DGKB: variants seen among roughly 807,000 people sequenced by gnomAD.
DGKB encodes the protein 90 kDa diacylglycerol kinase.
Under a neutral mutation model 114.3 loss-of-function variants are expected in DGKB, and 67 were observed. That is an observed-to-expected ratio of 0.59 (90% CI 0.48 to 0.72). DGKB has a LOEUF of 0.72. Ranked by LOEUF, DGKB falls within the 30% of genes least tolerant of loss-of-function variation. The pLI, the probability that DGKB is intolerant of heterozygous loss-of-function variation, is 0.00. For synonymous variants in DGKB, 398 were observed against 323.1 expected (o/e 1.23, Z -2.49); for missense variants, 907 against 975.2 (o/e 0.93, Z 0.93).
At chr7:14,360,602 T>G (rs1368102786) in intron 21 of DGKB, among the ~76,000 whole-genome samples, 1 of 151,970 alleles carries the variant, frequency 6.6e-6, no homozygotes, top group East Asian at 1.9e-4. Context: ...TCCTGAATGA[T>G]GGGCAACTTT....
At chr7:14,907,226 TC>T (rs1235832041), upstream of DGKB, among the ~76,000 whole-genome samples, 2 of 152,158 alleles carry the variant, frequency 1.3e-5, no homozygotes, top group Non-Finnish European at 2.9e-5. Flanking sequence ...TCTCTTTGGG[TC>T]CAATTCTCCT....
Position 14,590,996 on chromosome 7 carries a change from G to A in DGKB, c.1434-7859C>T, listed in dbSNP as rs115378246. On this transcript the variant is annotated intron_variant, in intron 17 of 25. Coordinates refer to ENST00000402815, the MANE Select transcript of DGKB (RefSeq NM_001350709.2). ...CATGCAATCTGAAACTGTAGCTAGC[G>A]GACAATTGGGAGACCTGCCTACAGC... Among the ~76,000 whole-genome samples, 1,228 of 152,122 alleles carry A rather than the reference G, an allele frequency of 8.1e-3. 18 individuals are homozygous for A. The highest frequency in any genetic ancestry group is 0.028 in the African/African-American group (1,165 of 41,508).
intron 13 of DGKB, among the ~76,000 whole-genome samples, chr7:14,647,313 A>T (rs1014404642): frequency 5.3e-5 from 8 of 152,134 alleles, no homozygotes; most frequent in Non-Finnish European, 1.0e-4. Flanking sequence ...CTGAATCAGA[A>T]ATAAAAAGTC....
chr7:14,209,714 A>T (rs1787444070), intron 23 of DGKB, among the ~76,000 whole-genome samples: 1 of 152,046 alleles, frequency 6.6e-6, no homozygotes, highest in Non-Finnish European at 1.5e-5. Flanking sequence ...ATAAAGAAAA[A>T]CTTCAGACAT....
At position 14,147,419 on chromosome 7, in the gene DGKB, A is replaced by G. The variant is rs931711609; in HGVS notation, c.*1712T>C. The G allele has an allele frequency of 2.6e-5, 4 of 152,134 alleles. No homozygotes were observed. Among genetic ancestry groups the G allele is most frequent in the Non-Finnish European group, 5.9e-5 (4 of 67,986 alleles). 9.4% of individuals were successfully genotyped at this position (152,134 alleles called of 1,614,324 possible). A position where few individuals can be genotyped will look rare whatever the true frequency, so the allele number is the denominator to read the frequency against. On this transcript the variant is annotated 3_prime_UTR_variant, in exon 26 of 26. Coordinates refer to ENST00000402815, the MANE Select transcript of DGKB (RefSeq NM_001350709.2). ...ACTAAAAGAATACACTTTGTACGTA[A>G]TCTTCCATTATAGCACATTGCTTGA...
chr7:14,302,724 C>T lies in DGKB; in HGVS notation c.2122+35791G>A, dbSNP rs768941356. 5.0e-4 allele frequency among the ~76,000 whole-genome samples: 76 copies of T among 152,102 alleles called. 3 individuals carry two copies. The highest frequency in any genetic ancestry group is 1.0e-4 in the Non-Finnish European group (7 of 68,024). ...GAGACGTATTTCTTGACCAGTCATTCTAAATTGACAACTGAAAACCCAACA... is the reference window on the plus strand; with the variant it reads ...GAGACGTATTTCTTGACCAGTCATTTTAAATTGACAACTGAAAACCCAACA... On this transcript the variant is annotated intron_variant, in intron 23 of 25. Coordinates refer to ENST00000402815, the MANE Select transcript of DGKB (RefSeq NM_001350709.2).
intron 15 of DGKB, among the ~76,000 whole-genome samples, chr7:14,618,615 T>C (rs2128809564): frequency 6.6e-6 from 1 of 151,700 alleles, no homozygotes; most frequent in Middle Eastern, 3.4e-3. Flanking sequence ...ACCTATGGTG[T>C]GAGCGATGAC....
At chr7:14,974,271 G>T (rs186666636) in intron 1 of DGKB, among the ~76,000 whole-genome samples, 1 of 151,992 alleles carries the variant, frequency 6.6e-6, no homozygotes, top group African/African-American at 2.4e-5. Context: ...AACACACTGC[G>T]TTTATTTTCT....
intron 2 of DGKB, among the ~76,000 whole-genome samples, chr7:14,823,008 C>T (rs1845158549): frequency 6.6e-6 from 1 of 151,780 alleles, no homozygotes; most frequent in African/African-American, 2.4e-5. Context: ...CCCAATTTAC[C>T]TATTCTATTG....
At chr7:14,201,081 C>T (rs188212457) in intron 23 of DGKB, among the ~76,000 whole-genome samples, 3 of 152,018 alleles carry the variant, frequency 2.0e-5, no homozygotes, top group Non-Finnish European at 2.9e-5. Flanking sequence ...ATATAAACAA[C>T]AATGTATTTC....
intron 13 of DGKB, among the ~76,000 whole-genome samples, chr7:14,662,096 C>G (rs763282822): frequency 6.6e-6 from 1 of 151,860 alleles, no homozygotes; most frequent in Non-Finnish European, 1.5e-5. Context: ...GGGAGATATA[C>G]CTAATGCTAG....
At chr7:14,183,922 T>C (rs1783006497) in intron 23 of DGKB, among the ~76,000 whole-genome samples, 1 of 152,144 alleles carries the variant, frequency 6.6e-6, no homozygotes, top group Admixed American at 6.5e-5. Flanking sequence ...CTGACGGAAG[T>C]GGACTGCTCC....
intron 25 of DGKB, among the ~76,000 whole-genome samples, chr7:14,164,020 AAAAC>A (rs1562507462): frequency 6.6e-6 from 1 of 152,014 alleles, no homozygotes; most frequent in African/African-American, 2.4e-5. Flanking sequence ...AACAAAAAAA[AAAAC>A]AAAATAAAAA....
intron 2 of DGKB, among the ~76,000 whole-genome samples, chr7:14,789,223 T>C (rs1425808285): frequency 2.0e-5 from 3 of 152,094 alleles, no homozygotes; most frequent in African/African-American, 4.8e-5. Flanking sequence ...AAGCAGAATA[T>C]TGACATTGAT....
chr7:14,532,412 A>G (rs1031876687), intron 20 of DGKB, among the ~76,000 whole-genome samples: 2 of 151,484 alleles, frequency 1.3e-5, no homozygotes, highest in Admixed American at 1.3e-4. Flanking sequence ...AGAACCAAAT[A>G]TATATATGGA....
intron 20 of DGKB, among the ~76,000 whole-genome samples, chr7:14,523,594 CAT>C (rs1032431121): frequency 6.6e-6 from 1 of 152,142 alleles, no homozygotes; most frequent in African/African-American, 2.4e-5. Context: ...TATATTGTAA[CAT>C]AATCTGAATA....
chr7:14,821,198 G>A (rs1844884240), intron 2 of DGKB, among the ~76,000 whole-genome samples: 1 of 152,078 alleles, frequency 6.6e-6, no homozygotes, highest in South Asian at 2.1e-4. Context: ...TTCTATATAT[G>A]AAGACTATAG....
intron 21 of DGKB, among the ~76,000 whole-genome samples, chr7:14,351,755 CTTGAA>C (rs1813480016): frequency 6.6e-6 from 1 of 152,094 alleles, no homozygotes; most frequent in East Asian, 1.9e-4. Flanking sequence ...CTTGTAGAAA[CTTGAA>C]ACTACAATTT....
chr7:14,305,191 T>G (rs1438742928), intron 23 of DGKB, among the ~76,000 whole-genome samples: 1 of 152,142 alleles, frequency 6.6e-6, no homozygotes, highest in Non-Finnish European at 1.5e-5. Context: ...TATTGTTAAC[T>G]CTAGTCACCC....
Sources: gnomAD v4.1 joint callset for allele counts (sites outside exome capture counted in the v4.1 genomes callset) on GRCh38, gnomAD v4.1.1 for gene constraint, MANE v1.5 for transcripts, NCBI Gene and HGNC (gene_info 2026-07-23, HGNC 2026-07-21) for gene names.